Variants in AK5 observed in about 807,000 individuals in gnomAD.
The protein encoded by AK5 is adenylate kinase isoenzyme 5.
Under a neutral mutation model 69.5 loss-of-function variants are expected in AK5, and 27 were observed. That is an observed-to-expected ratio of 0.39 (90% CI 0.29 to 0.54). The LOEUF is 0.54. Among genes scored for constraint, AK5 ranks in the 20% least tolerant of loss-of-function variants. The probability of loss-of-function intolerance (pLI) is 0.71; values close to 1 mark genes in which losing one functional copy is unlikely to be tolerated. For synonymous variants in AK5, 260 were observed against 244.4 expected, an observed-to-expected ratio of 1.06 and a Z score of -0.60; for missense variants, 531 against 700.4, an observed-to-expected ratio of 0.76 and a Z score of 2.73.
chr1:77,331,452 G>A (rs116345239), intron 5 of AK5, among the ~76,000 whole-genome samples: 2,820 of 152,064 alleles, frequency 0.019, 86 homozygotes, highest in African/African-American at 0.063. Context: ...AGCTTTTTCC[G>A]TATTTATTAA....
intron 6 of AK5, among the ~76,000 whole-genome samples, chr1:77,387,360 C>A (rs1648105316): frequency 6.6e-6 from 1 of 152,104 alleles, no homozygotes; most frequent in African/African-American, 2.4e-5. Context: ...TAGGGATACA[C>A]AATTTTTTCA....
chr1:77,288,217 A>G (rs1233781890), intron 2 of AK5, among the ~76,000 whole-genome samples: 2 of 152,200 alleles, frequency 1.3e-5, no homozygotes, highest in African/African-American at 4.8e-5. Context: ...TCTTTCTGAA[A>G]TATGTGCTTA....
intron 12 of AK5, among the ~76,000 whole-genome samples, chr1:77,527,691 T>C (rs1401283957): frequency 1.3e-5 from 2 of 152,224 alleles, no homozygotes; most frequent in African/African-American, 2.4e-5. Flanking sequence ...ACAGTAACTT[T>C]AGAAGATTCT....
intron 5 of AK5, chr1:77,314,371 A>G (rs1401782114): frequency 1.3e-5 from 2 of 152,064 alleles, no homozygotes; most frequent in African/African-American, 2.5e-5. Flanking sequence ...CCTAAAATCA[A>G]CTCATACTAA....
At chr1:77,324,097 T>C (rs969747027) in intron 5 of AK5, among the ~76,000 whole-genome samples, 5 of 152,210 alleles carry the variant, frequency 3.3e-5, no homozygotes, top group African/African-American at 9.6e-5. Context: ...CCCGTTCTTA[T>C]AATAGCTATT....
chr1:77,519,715 C>T (rs1388106036), intron 11 of AK5, among the ~76,000 whole-genome samples: 1 of 152,194 alleles, frequency 6.6e-6, no homozygotes, highest in African/African-American at 2.4e-5. Context: ...AGGGTAACTT[C>T]CTGACATTGC....
chr1:77,400,146 A>C (rs546195085), intron 6 of AK5, among the ~76,000 whole-genome samples: 36 of 152,184 alleles, frequency 2.4e-4, no homozygotes, highest in Admixed American at 3.9e-4. Flanking sequence ...CTGGCTTGGC[A>C]CAGTTTCTGA....
chr1:77,420,566 A>G (rs1650742181), intron 8 of AK5, among the ~76,000 whole-genome samples: 3 of 152,242 alleles, frequency 2.0e-5, no homozygotes, highest in Non-Finnish European at 2.9e-5. Flanking sequence ...TAACTCAAGA[A>G]GTAAGCTCTG....
At chr1:77,367,637 ATGT>A (rs1363224562) in intron 6 of AK5, among the ~76,000 whole-genome samples, 1 of 89,086 alleles carries the variant, frequency 1.1e-5, no homozygotes, top group Non-Finnish European at 2.1e-5. Flanking sequence ...TGTAATATAT[ATGT>A]TATGTTATAT....
At chr1:77,542,774 G>A (rs187682582) in intron 13 of AK5, among the ~76,000 whole-genome samples, 93 of 151,852 alleles carry the variant, frequency 6.1e-4, no homozygotes, top group African/African-American at 2.1e-3. Context: ...ATATATTTCC[G>A]TACATTTTGG....
chr1:77,473,423 A>G (rs998544965), intron 8 of AK5, among the ~76,000 whole-genome samples: 1 of 151,974 alleles, frequency 6.6e-6, no homozygotes, highest in African/African-American at 2.4e-5. Flanking sequence ...AACCTCCTAC[A>G]CGGTCTAAGA....
intron 8 of AK5, among the ~76,000 whole-genome samples, chr1:77,434,510 G>C (rs1651841618): frequency 6.6e-6 from 1 of 152,130 alleles, no homozygotes; most frequent in South Asian, 2.1e-4. Flanking sequence ...TTCAAAAACT[G>C]TCAAGAGGCT....
intron 6 of AK5, among the ~76,000 whole-genome samples, chr1:77,354,302 A>G (rs1189560828): frequency 1.3e-5 from 2 of 152,220 alleles, no homozygotes; most frequent in Non-Finnish European, 2.9e-5. Flanking sequence ...ATTTCTTTTT[A>G]GGCAATTATT....
chr1:77,283,295 G>A, intron 1 of AK5: 1 of 985,354 alleles, frequency 1.0e-6, no homozygotes, highest in Non-Finnish European at 1.2e-6. Context: ...TGAAGTAGGG[G>A]GGAGGAGGAG....
chr1:77,454,927 G>A (rs1653381102), intron 8 of AK5, among the ~76,000 whole-genome samples: 1 of 152,134 alleles, frequency 6.6e-6, no homozygotes, highest in African/African-American at 2.4e-5. Context: ...GAGCAAGATA[G>A]TTAATCATGT....
At chr1:77,549,178 C>G (rs747478790) in intron 13 of AK5, among the ~76,000 whole-genome samples, 1 of 151,978 alleles carries the variant, frequency 6.6e-6, no homozygotes, top group Non-Finnish European at 1.5e-5. Flanking sequence ...GCCTGGCCTG[C>G]TTTTAGCTTT....
At chr1:77,554,549 T>A (rs548090136) in intron 13 of AK5, among the ~76,000 whole-genome samples, 1 of 152,190 alleles carries the variant, frequency 6.6e-6, no homozygotes, top group Non-Finnish European at 1.5e-5. Flanking sequence ...CATACAGGGC[T>A]CTTTGCCTTG....
At chr1:77,395,334 T>A (rs1648758844) in intron 6 of AK5, among the ~76,000 whole-genome samples, 1 of 152,190 alleles carries the variant, frequency 6.6e-6, no homozygotes. Flanking sequence ...CAGGCTTAGC[T>A]TTTTTCCCTG....
chr1:77,474,908 G>A (rs1418039749), intron 8 of AK5, among the ~76,000 whole-genome samples: 1 of 152,006 alleles, frequency 6.6e-6, no homozygotes, highest in Admixed American at 6.6e-5. Context: ...AAATTCAAGT[G>A]ATCCTCCCAC....
Sources: gnomAD v4.1 joint callset for allele counts (sites outside exome capture counted in the v4.1 genomes callset) on GRCh38, gnomAD v4.1.1 for gene constraint, MANE v1.5 for transcripts, NCBI Gene and HGNC (gene_info 2026-07-23, HGNC 2026-07-21) for gene names.